KDM3A: variants seen among roughly 807,000 people sequenced by gnomAD.
KDM3A encodes lysine demethylase 3A, also known as lysine-specific demethylase 3A.
Under a neutral mutation model 158.0 loss-of-function variants are expected in KDM3A, and 60 were observed. The observed-to-expected ratio is 0.38, with a 90% CI of 0.31 to 0.47. KDM3A has a LOEUF of 0.47. Ranked by LOEUF, KDM3A falls within the 20% of genes least tolerant of loss-of-function variation. KDM3A has a pLI of 0.99. For synonymous variants in KDM3A, 608 were observed against 549.3 expected, an observed-to-expected ratio of 1.11 and a Z score of -1.49; for missense variants, 1,319 against 1,574.3, an observed-to-expected ratio of 0.84 and a Z score of 2.74.
rs1444828857 is a variant in KDM3A, at chr2:86,455,124, A to C, written c.493A>C (p.Ile165Leu). Residue 165 changes from isoleucine (I) to leucine (L), a missense_variant, in exon 5 of 26, where the codon ATT (isoleucine) becomes CTT (leucine). Coordinates refer to ENST00000312912, the MANE Select transcript of KDM3A (RefSeq NM_018433.6). ...TCGACTTTCTCTTACGGATAATCAG[A>C]TTGTCAGTAAAGAATTTCAAGCTTT... ...SLRLSLTDNQ[I>L]VSKEFQALIV... The C allele has an allele frequency of 6.2e-7, 1 of 1,604,472 alleles. No homozygotes were observed. Among genetic ancestry groups the C allele is most frequent in the African/African-American group, 1.3e-5 (1 of 74,082 alleles).
intron 18 of KDM3A, chr2:86,483,766 TACCCA>T: frequency 2.5e-6 from 1 of 406,620 alleles, no homozygotes; most frequent in Non-Finnish European, 4.4e-6. Context: ...CCTAGATGCT[TACCCA>T]TGTAGTTTGA....
At position 86,492,084 on chromosome 2, in the gene KDM3A, C is replaced by CT. The variant is rs760790086; in HGVS notation, c.3932dup (p.Lys1312GlufsTer4). On this transcript the variant is annotated frameshift_variant, in exon 26 of 26. Transcript: ENST00000312912. LOFTEE classifies it high-confidence loss of function. ...TGCAGTGAAAGATGCAGTTGCTATGCTGAAAGCCAGTGAATCCAGTTTTGG... is the reference window on the plus strand; with the variant it reads ...TGCAGTGAAAGATGCAGTTGCTATGCTTGAAAGCCAGTGAATCCAGTTTTGG... 123 of 1,613,410 alleles carry CT rather than the reference C, an allele frequency of 7.6e-5. No individual in the cohort carries two copies. The highest frequency in any genetic ancestry group is 1.0e-4 in the Non-Finnish European group (120 of 1,179,594).
intron 4 of KDM3A, among the ~76,000 whole-genome samples, chr2:86,452,721 A>C (rs996217113): frequency 2.6e-5 from 4 of 152,210 alleles, no homozygotes; most frequent in Non-Finnish European, 5.9e-5. Context: ...GTTTGGGGTC[A>C]GTGGTTATCA....
chr2:86,485,800 C>G lies in KDM3A; in HGVS notation c.3254C>G (p.Ser1085Cys). The change falls in exon 21 of 26, where the codon TCT (serine) becomes TGT (cysteine). Residue 1085 changes from serine (S) to cysteine (C), a missense_variant. Coordinates refer to ENST00000312912, the MANE Select transcript of KDM3A (RefSeq NM_018433.6). The stretch of plus-strand genomic sequence containing the variant: ...CGAGATGGCAAACTGAATTTGGCCT[C>G]TAGGCTGCCAAACTACTTTGTTCGG... ...TRRDGKLNLASRLPNYFVRPD... is the reference protein window; with the variant it reads ...TRRDGKLNLACRLPNYFVRPD... 6.2e-7 allele frequency: 1 copy of G among 1,614,118 alleles called. No individual in the cohort carries two copies. Among genetic ancestry groups the G allele is most frequent in the South Asian group, 1.1e-5 (1 of 91,076 alleles).
At chr2:86,468,519 T>A (rs1410224310) in intron 10 of KDM3A, among the ~76,000 whole-genome samples, 1 of 150,558 alleles carries the variant, frequency 6.6e-6, no homozygotes, top group Admixed American at 6.6e-5. Flanking sequence ...GTTATGTAGC[T>A]ATTCCCCATC....
At chr2:86,478,811 C>A in intron 15 of KDM3A, 76 bp downstream of exon 15, 1 of 1,447,970 alleles carries the variant, frequency 6.9e-7, no homozygotes, top group Non-Finnish European at 9.5e-7. Context: ...CCAAGGATTT[C>A]TATCAGTGCA....
rs193921056 is a variant in KDM3A, at chr2:86,482,107, G to GTGTT, written c.2685+14_2685+17dup. 1 of 1,612,372 alleles carries GTGTT rather than the reference G, an allele frequency of 6.2e-7. No individual in the cohort carries two copies. The highest frequency in any genetic ancestry group is 2.2e-5 in the East Asian group (1 of 44,880). On this transcript the variant is annotated splice_donor_region_variant and intron_variant, in intron 17 of 25. Transcript: ENST00000312912. ...TTGAATTCTTCTACAGGAAAGGTAT[G>GTGTT]TGTTTGTTTGTTGGTATTCCATGTT...
Position 86,482,640 on chromosome 2 carries a change from C to A in KDM3A, c.2868C>A (p.Asp956Glu). The A allele has an allele frequency of 6.2e-7, 1 of 1,614,072 alleles. No individual in the cohort carries two copies. Among genetic ancestry groups the A allele is most frequent in the Non-Finnish European group, 8.5e-7 (1 of 1,180,012 alleles). The change falls in exon 18 of 26, where the codon GAC (aspartate) becomes GAA (glutamate). Residue 956 changes from aspartate (D) to glutamate (E), a missense_variant. Asp to Glu is a conservative substitution (Grantham distance 45, BLOSUM62 2). Transcript: ENST00000312912. ...ATAATCGCTTGCTGTGCTTGCAAGACCCCAACAATAAGAGCAACTGGAATG... is the reference window on the plus strand; with the variant it reads ...ATAATCGCTTGCTGTGCTTGCAAGAACCCAACAATAAGAGCAACTGGAATG... Reference protein sequence around the residue: ...LCDNRLLCLQDPNNKSNWNVF... With the variant: ...LCDNRLLCLQEPNNKSNWNVF...
Position 86,483,999 on chromosome 2 carries a change from T to C in KDM3A, c.2935T>C (p.Ser979Pro), listed in dbSNP as rs191697909. The change falls in exon 19 of 26, where the codon TCT becomes CCT. Residue 979 changes from serine (S) to proline (P), a missense_variant. This residue lies in a region of KDM3A where 368 missense variants were observed against 415.8 expected (regional missense o/e 0.89). Coordinates refer to ENST00000312912, the MANE Select transcript of KDM3A (RefSeq NM_018433.6). ...TCTCTTCATTTAGCCAGTGATGGTG[T>C]CTGGAGTGCATCATAAATTGAACTC... is the stretch of plus-strand genomic sequence containing the variant. Reference protein sequence around the residue: ...CWKQGQPVMVSGVHHKLNSEL... With the variant: ...CWKQGQPVMVPGVHHKLNSEL... 1 of 1,613,034 alleles carries C rather than the reference T, an allele frequency of 6.2e-7. No homozygotes were observed. Among genetic ancestry groups the C allele is most frequent in the African/African-American group, 1.3e-5 (1 of 75,008 alleles).
chr2:86,465,966 A>AAAAC (rs1375021757), intron 9 of KDM3A, among the ~76,000 whole-genome samples: 1 of 151,492 alleles, frequency 6.6e-6, no homozygotes, highest in African/African-American at 2.4e-5. Flanking sequence ...AAGAAGAAAG[A>AAAAC]AAACTTTCGG....
Position 86,451,356 on chromosome 2 carries a change from T to G in KDM3A, c.453+143T>G, listed in dbSNP as rs563329205. 384 of 517,754 alleles carry G rather than the reference T, an allele frequency of 7.4e-4. 1 individual carries two copies. The highest frequency in any genetic ancestry group is 6.7e-3 in the African/African-American group (343 of 51,526). 32.1% of individuals were successfully genotyped at this position (517,754 alleles called of 1,614,324 possible). On this transcript the variant is annotated intron_variant, in intron 4 of 25. Coordinates refer to ENST00000312912, the MANE Select transcript of KDM3A (RefSeq NM_018433.6). ...ACAGTAAAACATCTACATATAACTT[T>G]GATTCCCTCCAAACTCTACTAATAG... is the stretch of plus-strand genomic sequence containing the variant.
At chr2:86,457,440 C>T (rs189649457) in intron 8 of KDM3A, among the ~76,000 whole-genome samples, 180 of 152,160 alleles carry the variant, frequency 1.2e-3, no homozygotes, top group Admixed American at 3.5e-3. Context: ...CCCCTGGCTG[C>T]GTGGCAAATT....
In KDM3A at chr2:86,489,587, A is replaced by C. The variant is rs770878039; in HGVS notation, c.3501A>C (p.Lys1167Asn). ...ELTIKRFIEG[K>N]EKPGALWHIY... Reference sequence around the variant, plus strand: ...CAATAAAGCGATTTATTGAAGGAAAAGAGAAGCCAGGAGCACTGTGGCACA... The same window carrying C: ...CAATAAAGCGATTTATTGAAGGAAACGAGAAGCCAGGAGCACTGTGGCACA... Residue 1167 changes from lysine to asparagine, a missense_variant, in exon 23 of 26, where the codon AAA (lysine) becomes AAC (asparagine). Coordinates refer to ENST00000312912, the MANE Select transcript of KDM3A (RefSeq NM_018433.6). The C allele has an allele frequency of 6.2e-7, 1 of 1,614,124 alleles. No homozygotes were observed. The highest frequency in any genetic ancestry group is 1.1e-5 in the South Asian group (1 of 91,084).
intron 8 of KDM3A, among the ~76,000 whole-genome samples, chr2:86,457,887 T>C (rs1224664937): frequency 6.6e-6 from 1 of 152,252 alleles, no homozygotes; most frequent in African/African-American, 2.4e-5. Context: ...GATTTAATTC[T>C]ATTCTGAAAT....
chr2:86,442,890 A>G (rs1023705113), intron 2 of KDM3A, among the ~76,000 whole-genome samples: 1 of 152,102 alleles, frequency 6.6e-6, no homozygotes, highest in Non-Finnish European at 1.5e-5. Context: ...GCTTAGAAAT[A>G]CTGCACTTGG....
intron 9 of KDM3A, among the ~76,000 whole-genome samples, 168 bp downstream of exon 9, chr2:86,464,384 A>G (rs1673049917): frequency 6.6e-6 from 1 of 152,230 alleles, no homozygotes; most frequent in South Asian, 2.1e-4. Flanking sequence ...ACACAGAGCA[A>G]CATAGAAAAT....
chr2:86,485,649 T>C (rs1249700034), intron 20 of KDM3A, 80 bp from the exon 21 acceptor site: 6 of 1,516,870 alleles, frequency 4.0e-6, no homozygotes, highest in Non-Finnish European at 5.4e-6. Context: ...CCTTTTGGTG[T>C]AGAAGGAACA....
chr2:86,474,721 G>GTGTT, intron 11 of KDM3A, 55 bp from the exon 12 acceptor site: 1 of 773,386 alleles, frequency 1.3e-6, no homozygotes, highest in South Asian at 1.5e-5. Flanking sequence ...GTGTGTGTGT[G>GTGTT]TGTGTGTGTG....
rs1018178191 is a variant in KDM3A at position 86,492,556 on chromosome 2, C to G, written c.*437C>G. 2 of 157,228 alleles carry G rather than the reference C, an allele frequency of 1.3e-5. No homozygotes were observed. The highest frequency in any genetic ancestry group is 2.8e-5 in the Non-Finnish European group (2 of 71,178). The allele number at this position is 157,228 out of a possible 1,614,324, so 9.7% of individuals were successfully genotyped here. ...ATGGAGGAAGTGACAGCTAATGTTG[C>G]AGTTCTTATTGTATGGCATAGGACT... On this transcript the variant is annotated 3_prime_UTR_variant, in exon 26 of 26. Coordinates refer to ENST00000312912, the MANE Select transcript of KDM3A (RefSeq NM_018433.6).
Sources: gnomAD v4.1 joint callset for allele counts (sites outside exome capture counted in the v4.1 genomes callset) on GRCh38, gnomAD v4.1.1 for gene constraint, gnomAD v4.1.1 regional missense constraint, MANE v1.5 for transcripts, NCBI Gene and HGNC (gene_info 2026-07-23, HGNC 2026-07-21) for gene names.